The following KCTD9 variants were observed in gnomAD, a reference collection of about 807,000 sequenced individuals.
KCTD9 encodes the protein BTB/POZ domain-containing protein KCTD9.
Under a neutral mutation model 53.3 loss-of-function variants are expected in KCTD9, and 17 were observed. That is an observed-to-expected ratio of 0.32 (90% CI 0.22 to 0.48). The LOEUF (loss-of-function observed/expected upper bound fraction) is 0.48, where lower values mean the gene tolerates loss of function less well. Among genes scored for constraint, KCTD9 ranks in the 20% least tolerant of loss-of-function variants. The pLI is 0.99. For missense variants in KCTD9, 179 were observed against 465.5 expected, an observed-to-expected ratio of 0.38 and a Z score of 5.66; for synonymous variants, 128 against 162.7, an observed-to-expected ratio of 0.79 and a Z score of 1.62.
chr8:25,447,711 A>C (rs1346987169), intron 1 of KCTD9, among the ~76,000 whole-genome samples: 1 of 152,246 alleles, frequency 6.6e-6, no homozygotes, highest in African/African-American at 2.4e-5. Context: ...TGTTGAAGGC[A>C]AGAAAAATTT....
chr8:25,429,920 G>A lies in KCTD9; in HGVS notation c.1107C>T (p.Asn369=), dbSNP rs139846974. The A allele has an allele frequency of 1.1e-4, 175 of 1,610,826 alleles. 1 individual carries two copies. The Middle Eastern group carries it at 7.6e-3, about 70-fold the overall frequency. The change falls in exon 12 of 12, where the codon AAC becomes AAT. Residue 369 remains asparagine (N), a synonymous_variant. Coordinates refer to ENST00000221200, the MANE Select transcript of KCTD9 (RefSeq NM_017634.4). ...TCTCTTCAAATATAGCTCCCTTCAC[G>A]TTGGACCCTCTCAGGTTGGCTTCTT... The part of the protein sequence containing the change: ...DLQEANLRGS[N]VKGAIFEEML...
At chr8:25,431,804 T>C (rs1026528533) in intron 11 of KCTD9, among the ~76,000 whole-genome samples, 2 of 152,126 alleles carry the variant, frequency 1.3e-5, no homozygotes, top group African/African-American at 2.4e-5. Context: ...AAGCTAAATT[T>C]TGACATACCG....
Position 25,458,371 on chromosome 8 carries a change from C to A in KCTD9, c.-125G>T. On this transcript the variant is annotated 5_prime_UTR_variant, in exon 1 of 12. It adds an upstream start codon to the 5' untranslated region. Transcript: ENST00000221200. ...GGATTCGCCTCCCTTCGCCACCTTCCTGCCCTTGGGGACACACCACACGCA... is the reference window on the plus strand; with the variant it reads ...GGATTCGCCTCCCTTCGCCACCTTCATGCCCTTGGGGACACACCACACGCA... 1 of 1,110,268 alleles carries A rather than the reference C, an allele frequency of 9.0e-7. No homozygotes were observed. The allele number at this position is 1,110,268 out of a possible 1,614,324, so 68.8% of individuals were successfully genotyped here.
intron 2 of KCTD9, among the ~76,000 whole-genome samples, chr8:25,445,825 A>G (rs373850850): frequency 6.6e-5 from 10 of 151,914 alleles, no homozygotes; most frequent in African/African-American, 2.4e-4. Flanking sequence ...GATGAATTAG[A>G]TTTTTAATGT....
At chr8:25,439,506 A>G in intron 5 of KCTD9, 99 bp from the exon 6 acceptor site, 1 of 1,558,992 alleles carries the variant, frequency 6.4e-7, no homozygotes, top group Non-Finnish European at 8.7e-7. Flanking sequence ...TTACTCTTAA[A>G]AACTGACATA....
intron 6 of KCTD9, among the ~76,000 whole-genome samples, chr8:25,438,450 T>G (rs1330581954): frequency 1.3e-5 from 2 of 152,320 alleles, no homozygotes; most frequent in Admixed American, 6.5e-5. Context: ...GTTCAGCATG[T>G]AATGTTTTCA....
At chr8:25,456,161 A>G (rs906090580) in intron 1 of KCTD9, among the ~76,000 whole-genome samples, 5 of 152,214 alleles carry the variant, frequency 3.3e-5, no homozygotes, top group African/African-American at 4.8e-5. Context: ...ACTACTAAAC[A>G]AGCTATGAGA....
chr8:25,445,422 C>G (rs1004569273), intron 2 of KCTD9, among the ~76,000 whole-genome samples: 1 of 152,120 alleles, frequency 6.6e-6, no homozygotes, highest in African/African-American at 2.4e-5. Context: ...GTTAAAGCAT[C>G]ATTATCTTCA....
At chr8:25,439,257 T>A (rs1220198783) in intron 6 of KCTD9, 22 bp downstream of exon 6, 1 of 1,561,836 alleles carries the variant, frequency 6.4e-7, no homozygotes, top group Non-Finnish European at 8.7e-7. Flanking sequence ...CATAATTATA[T>A]TGAAAGTCTA....
intron 1 of KCTD9, among the ~76,000 whole-genome samples, chr8:25,452,504 C>T (rs2117442490): frequency 6.6e-6 from 1 of 152,300 alleles, no homozygotes; most frequent in South Asian, 2.1e-4. Flanking sequence ...AACCACATTT[C>T]ACCTGCAAAT....
At chr8:25,451,541 G>A (rs1312931015) in intron 1 of KCTD9, 1 of 152,022 alleles carries the variant, frequency 6.6e-6, no homozygotes, top group African/African-American at 2.4e-5. Flanking sequence ...AACAACTTAG[G>A]CCCTAAGAAT....
At chr8:25,445,844 G>T (rs1052618657) in intron 2 of KCTD9, among the ~76,000 whole-genome samples, 1 of 151,510 alleles carries the variant, frequency 6.6e-6, no homozygotes, top group Non-Finnish European at 1.5e-5. Context: ...GTTAAAAACT[G>T]CACGTCTTAC....
intron 6 of KCTD9, among the ~76,000 whole-genome samples, chr8:25,437,493 ATG>A (rs1420989308): frequency 2.1e-4 from 32 of 151,936 alleles, no homozygotes; most frequent in Admixed American, 7.2e-4. Context: ...TGGCCAACAC[ATG>A]GTGAAACCCT....
chr8:25,456,813 AAT>A lies in KCTD9; in HGVS notation c.48+1384_48+1385del, dbSNP rs1267052999. On this transcript the variant is annotated intron_variant, in intron 1 of 11. Coordinates refer to ENST00000221200, the MANE Select transcript of KCTD9 (RefSeq NM_017634.4). ...GCAAAAATATTTATGACTAGGTTTA[AAT>A]ATTTGTCTTCCATGAGTAACATAGC... Among the ~76,000 whole-genome samples the A allele has an allele frequency of 7.9e-5, 12 of 152,334 alleles. No homozygotes were observed. The East Asian group carries it at 2.3e-3, about 29-fold the overall frequency.
At chr8:25,447,345 C>A (rs1261472887) in intron 1 of KCTD9, among the ~76,000 whole-genome samples, 1 of 152,132 alleles carries the variant, frequency 6.6e-6, no homozygotes, top group Non-Finnish European at 1.5e-5. Flanking sequence ...CAAGGTTGCA[C>A]CACTGCACTC....
At chr8:25,457,291 T>G in intron 1 of KCTD9, 11 of 896,096 alleles carry the variant, frequency 1.2e-5, no homozygotes, top group Non-Finnish European at 1.5e-5. Context: ...CGAGACCCAT[T>G]TACCTTTACC....
chr8:25,444,221 T>C (rs1017976074), intron 3 of KCTD9, 71 bp downstream of exon 3: 3 of 1,224,310 alleles, frequency 2.5e-6, no homozygotes. Flanking sequence ...AATAGCCCCA[T>C]TTAAAATAAT....
chr8:25,457,807 G>C, intron 1 of KCTD9: 1 of 168,396 alleles, frequency 5.9e-6, no homozygotes, highest in Non-Finnish European at 1.3e-5. Flanking sequence ...ACTCAGCACC[G>C]GAGCCGGCGC....
At position 25,428,444 on chromosome 8, in the gene KCTD9, G is replaced by C. The variant is rs930240856; in HGVS notation, c.*1413C>G. On this transcript the variant is annotated 3_prime_UTR_variant, in exon 12 of 12. Coordinates refer to ENST00000221200, the MANE Select transcript of KCTD9 (RefSeq NM_017634.4). ...TAAGCTACGTAAATACTAAAGATAT[G>C]TCATTCTCCCAAAGGAGACACAGGT... 1 of 152,400 alleles carries C rather than the reference G, an allele frequency of 6.6e-6. No individual in the cohort carries two copies. The highest frequency in any genetic ancestry group is 1.5e-5 in the Non-Finnish European group (1 of 68,004). 9.4% of individuals were successfully genotyped at this position (152,400 alleles called of 1,614,324 possible).
Sources: gnomAD v4.1 joint callset for allele counts (sites outside exome capture counted in the v4.1 genomes callset) on GRCh38, gnomAD v4.1.1 for gene constraint, MANE v1.5 for transcripts, NCBI Gene and HGNC (gene_info 2026-07-23, HGNC 2026-07-21) for gene names.